SREK1: variants seen among roughly 807,000 people sequenced by gnomAD.
SREK1 encodes the protein splicing regulatory glutamic acid and lysine rich protein 1.
Under a neutral mutation model 66.5 loss-of-function variants are expected in SREK1, and 13 were observed. The observed-to-expected ratio is 0.20, with a 90% confidence interval of 0.13 to 0.31. The LOEUF is 0.31. Ranked by LOEUF, SREK1 falls within the 10% of genes least tolerant of loss-of-function variation. The pLI is 1.00. For synonymous variants in SREK1, 265 were observed against 263.5 expected (o/e 1.01, Z -0.05); for missense variants, 607 against 769.6 (o/e 0.79, Z 2.50).
chr5:66,158,328 T>C (rs1296515304), intron 2 of SREK1: 1 of 152,202 alleles, frequency 6.6e-6, no homozygotes, highest in African/African-American at 2.4e-5. Flanking sequence ...AATTAAAATG[T>C]TTTTAAGCAA....
At chr5:66,160,046 C>T (rs138892754) in intron 3 of SREK1, among the ~76,000 whole-genome samples, 4 of 151,908 alleles carry the variant, frequency 2.6e-5, no homozygotes, top group South Asian at 2.1e-4. Flanking sequence ...TGGAGAATGG[C>T]GTGAGCCTGG....
intron 9 of SREK1, among the ~76,000 whole-genome samples, chr5:66,173,964 T>C (rs975432394): frequency 6.6e-6 from 1 of 152,198 alleles, no homozygotes; most frequent in African/African-American, 2.4e-5. Context: ...TGTATTTTAA[T>C]ACATATTATA....
At chr5:66,177,430 A>G (rs1746147678) in intron 10 of SREK1, 84 bp from the exon 11 acceptor site, 1 of 1,080,342 alleles carries the variant, frequency 9.3e-7, no homozygotes, top group Admixed American at 3.2e-5. Flanking sequence ...TTAGATATCC[A>G]GTGTTAGAAA....
chr5:66,176,429 T>C (rs547097982), intron 10 of SREK1, among the ~76,000 whole-genome samples: 1 of 152,174 alleles, frequency 6.6e-6, no homozygotes, highest in Non-Finnish European at 1.5e-5. Context: ...TTTTTCTGCT[T>C]GAACATGAGT....
chr5:66,167,200 TAG>T (rs944190683), intron 7 of SREK1: 1 of 152,156 alleles, frequency 6.6e-6, no homozygotes, highest in African/African-American at 2.4e-5. Flanking sequence ...TTCTTATGGT[TAG>T]AGAGAGGAAG....
chr5:66,145,287 T>TA (rs1255700139), intron 1 of SREK1: 1 of 482,192 alleles, frequency 2.1e-6, no homozygotes, highest in Non-Finnish European at 2.7e-6. Flanking sequence ...TTTGGAATGG[T>TA]AAAATTTCCC....
intron 1 of SREK1, among the ~76,000 whole-genome samples, chr5:66,151,161 A>G (rs1431285115): frequency 6.6e-6 from 1 of 152,108 alleles, no homozygotes; most frequent in African/African-American, 2.4e-5. Flanking sequence ...TTTTTAGACT[A>G]AATTCGTGGG....
intron 1 of SREK1, 117 bp from the exon 2 acceptor site, chr5:66,153,346 A>G: frequency 1.5e-6 from 2 of 1,315,288 alleles, no homozygotes; most frequent in East Asian, 2.3e-5. Flanking sequence ...AATAACAAAA[A>G]GTTTTAAAGT....
intron 2 of SREK1, chr5:66,157,300 G>A (rs1447892072): frequency 1.0e-6 from 1 of 984,544 alleles, no homozygotes; most frequent in African/African-American, 1.7e-5. Context: ...TTTGGCCAGT[G>A]TTGAATACCC....
At position 66,181,965 on chromosome 5, in the gene SREK1, C is replaced by G. The variant is rs779824832; in HGVS notation, c.*3097C>G. The G allele has an allele frequency of 2.0e-5, 3 of 149,236 alleles. No homozygotes were observed. The highest frequency in any genetic ancestry group is 3.0e-5 in the Non-Finnish European group (2 of 67,368). 9.2% of individuals were successfully genotyped at this position (149,236 alleles called of 1,614,324 possible). A position where few individuals can be genotyped will look rare whatever the true frequency, so the allele number is the denominator to read the frequency against. ...ATAATTTTCAAGACCTTCAGTCATT[C>G]CTATGTCTATGTTGCTATCTTTATT... On this transcript the variant is annotated 3_prime_UTR_variant, in exon 12 of 12. Transcript: ENST00000334121.
intron 9 of SREK1, among the ~76,000 whole-genome samples, chr5:66,172,199 T>A (rs1022958557): frequency 6.6e-6 from 1 of 152,216 alleles, no homozygotes; most frequent in Non-Finnish European, 1.5e-5. Flanking sequence ...GTGATTTTAT[T>A]GATTCTGTGT....
chr5:66,158,364 C>A (rs1057329373), intron 2 of SREK1: 1 of 152,316 alleles, frequency 6.6e-6, no homozygotes, highest in Non-Finnish European at 1.5e-5. Flanking sequence ...CCTCCCCCTT[C>A]AGATAAGTAT....
intron 10 of SREK1, chr5:66,177,226 T>C (rs187959131): frequency 2.4e-4 from 51 of 216,502 alleles, no homozygotes; most frequent in Non-Finnish European, 3.9e-4. Flanking sequence ...TAAACAAATA[T>C]TGAATATTCG....
chr5:66,163,636 T>A, intron 5 of SREK1, 156 bp from the exon 6 acceptor site: 1 of 632,716 alleles, frequency 1.6e-6, no homozygotes, highest in Non-Finnish European at 2.5e-6. Flanking sequence ...GAGAGATTAA[T>A]CATGGTTTTG....
intron 9 of SREK1, 77 bp from the exon 10 acceptor site, chr5:66,174,869 C>T: frequency 1.5e-6 from 2 of 1,325,728 alleles, no homozygotes; most frequent in Non-Finnish European, 2.1e-6. Flanking sequence ...ATATCAAGGA[C>T]CCTTTTGCTT....
At position 66,179,038 on chromosome 5, in the gene SREK1, A is replaced by G. The variant is rs981535899; in HGVS notation, c.*170A>G. ...CCATCTTGTTATTGAGTAAGAAAAT[A>G]AAGCATGGACATCATGAAAATAACA... On this transcript the variant is annotated 3_prime_UTR_variant, in exon 12 of 12. Coordinates refer to ENST00000334121, the MANE Select transcript of SREK1 (RefSeq NM_001077199.3). 4 of 618,388 alleles carry G rather than the reference A, an allele frequency of 6.5e-6. No homozygotes were observed. Among genetic ancestry groups the G allele is most frequent in the Non-Finnish European group, 9.9e-6 (4 of 405,976 alleles). 38.3% of individuals were successfully genotyped at this position (618,388 alleles called of 1,614,324 possible).
intron 1 of SREK1, among the ~76,000 whole-genome samples, chr5:66,151,302 A>C (rs1028743173): frequency 6.6e-6 from 1 of 152,232 alleles, no homozygotes; most frequent in Non-Finnish European, 1.5e-5. Context: ...CTTCTTCAGA[A>C]TAGTGACACA....
intron 7 of SREK1, chr5:66,166,834 A>G (rs1184955970): frequency 6.6e-6 from 1 of 152,176 alleles, no homozygotes; most frequent in Non-Finnish European, 1.5e-5. Flanking sequence ...ATGTGGAAAC[A>G]TGTAGCCTTA....
chr5:66,161,056 G>A (rs1160735208), intron 3 of SREK1, among the ~76,000 whole-genome samples: 1 of 152,152 alleles, frequency 6.6e-6, no homozygotes, highest in Non-Finnish European at 1.5e-5. Flanking sequence ...CATGGCATAA[G>A]TAAGGGCTCA....
Sources: gnomAD v4.1 joint callset for allele counts (sites outside exome capture counted in the v4.1 genomes callset) on GRCh38, gnomAD v4.1.1 for gene constraint, MANE v1.5 for transcripts, NCBI Gene and HGNC (gene_info 2026-07-23, HGNC 2026-07-21) for gene names.